RCOR3: variants seen among roughly 807,000 people sequenced by gnomAD.
RCOR3 encodes the protein REST corepressor 3.
A neutral mutation model predicts 64.1 loss-of-function variants in RCOR3; 13 were observed. That is an observed-to-expected ratio of 0.20 (90% CI 0.13 to 0.32). The LOEUF (loss-of-function observed/expected upper bound fraction) is 0.32, where lower values mean the gene tolerates loss of function less well. Ranked by LOEUF, RCOR3 falls within the 10% of genes least tolerant of loss-of-function variation. The probability of loss-of-function intolerance (pLI) is 1.00; values close to 1 mark genes in which losing one functional copy is unlikely to be tolerated. For synonymous variants in RCOR3, 215 were observed against 239.0 expected, an observed-to-expected ratio of 0.90 and a Z score of 0.93; for missense variants, 489 against 701.2, an observed-to-expected ratio of 0.70 and a Z score of 3.42.
intron 2 of RCOR3, among the ~76,000 whole-genome samples, chr1:211,262,033 C>CTT (rs1196587722): frequency 0.02 from 1,330 of 65,340 alleles, 308 homozygotes; most frequent in African/African-American, 0.079. Flanking sequence ...GCTATAAAAA[C>CTT]TTTTTTTTTT....
chr1:211,290,561 A>T lies in RCOR3; in HGVS notation c.939+1165A>T, dbSNP rs184197513. 5.4e-4 allele frequency among the ~76,000 whole-genome samples: 82 copies of T among 152,014 alleles called. 1 individual carries two copies. In the East Asian group the frequency reaches 0.013, roughly 24 times the overall value. ...CATTTTTTTTATTTTAATTTTTTGTAGAGAAACGTTCTTGCTATGTTACCC... is the reference window on the plus strand; with the variant it reads ...CATTTTTTTTATTTTAATTTTTTGTTGAGAAACGTTCTTGCTATGTTACCC... On this transcript the variant is annotated intron_variant, in intron 8 of 11. Coordinates refer to ENST00000419091, the MANE Select transcript of RCOR3 (RefSeq NM_001136223.3).
intron 8 of RCOR3, among the ~76,000 whole-genome samples, chr1:211,293,848 C>T (rs962919503): frequency 6.6e-6 from 1 of 152,068 alleles, no homozygotes; most frequent in African/African-American, 2.4e-5. Context: ...GTTGTCCACA[C>T]TAGGGGGGAA....
intron 9 of RCOR3, among the ~76,000 whole-genome samples, chr1:211,296,789 G>A (rs1406276578): frequency 6.6e-6 from 1 of 151,836 alleles, no homozygotes; most frequent in East Asian, 1.9e-4. Context: ...ATTATTTAAG[G>A]ATAATATAAT....
At chr1:211,290,702 C>T (rs985199635) in intron 8 of RCOR3, among the ~76,000 whole-genome samples, 1 of 152,142 alleles carries the variant, frequency 6.6e-6, no homozygotes, top group Non-Finnish European at 1.5e-5. Context: ...TATTACTTCT[C>T]TTTAGCTGGA....
Position 211,314,779 on chromosome 1 carries a change from G to C in RCOR3, c.*1011G>C, listed in dbSNP as rs1451636294. 6.6e-6 allele frequency: 1 copy of C among 151,956 alleles called. No homozygotes were observed. The highest frequency in any genetic ancestry group is 1.5e-5 in the Non-Finnish European group (1 of 67,982). 9.4% of individuals were successfully genotyped at this position (151,956 alleles called of 1,614,324 possible). A position where few individuals can be genotyped will look rare whatever the true frequency, so the allele number is the denominator to read the frequency against. On this transcript the variant is annotated 3_prime_UTR_variant, in exon 12 of 12. Transcript: ENST00000419091. ...AAATTGCCCTCATACTTAATAATAT[G>C]GTCTGCATTTAATATGAAAGGTGTT... is the stretch of plus-strand genomic sequence containing the variant.
intron 7 of RCOR3, among the ~76,000 whole-genome samples, chr1:211,287,939 T>C (rs1262490371): frequency 1.3e-5 from 2 of 152,036 alleles, no homozygotes; most frequent in African/African-American, 4.8e-5. Flanking sequence ...GCCGGGCGTG[T>C]TGGCTCATGC....
At chr1:211,306,945 C>T (rs1486493726) in intron 10 of RCOR3, among the ~76,000 whole-genome samples, 2 of 152,132 alleles carry the variant, frequency 1.3e-5, no homozygotes, top group African/African-American at 4.8e-5. Context: ...ATTTAATCCT[C>T]TTAAAATATT....
intron 2 of RCOR3, among the ~76,000 whole-genome samples, chr1:211,270,429 T>C (rs1480441113): frequency 6.6e-6 from 1 of 152,010 alleles, no homozygotes; most frequent in Non-Finnish European, 1.5e-5. Flanking sequence ...TAAGATGTAA[T>C]AAATGAACTT....
intron 6 of RCOR3, 70 bp downstream of exon 6, chr1:211,278,311 C>T (rs772984633): frequency 1.3e-5 from 20 of 1,507,176 alleles, no homozygotes; most frequent in Non-Finnish European, 1.5e-5. Context: ...TTTCCTAAGG[C>T]AGAAAAGTTA....
At chr1:211,304,409 T>G (rs1426696439) in intron 10 of RCOR3, among the ~76,000 whole-genome samples, 1 of 152,222 alleles carries the variant, frequency 6.6e-6, no homozygotes, top group Admixed American at 6.5e-5. Context: ...TCACATGGGC[T>G]CTCTGTGCTT....
chr1:211,260,010 C>A (rs1325908397), intron 1 of RCOR3, 98 bp from the exon 2 acceptor site: 11 of 1,243,328 alleles, frequency 8.8e-6, no homozygotes, highest in Non-Finnish European at 1.1e-5. Context: ...CCGCTTCTTT[C>A]CTCCATCTAG....
At chr1:211,288,583 T>A (rs1340946344) in intron 7 of RCOR3, among the ~76,000 whole-genome samples, 2 of 147,610 alleles carry the variant, frequency 1.4e-5, no homozygotes, top group South Asian at 2.1e-4. Flanking sequence ...TATATTTATT[T>A]TATTTATTAT....
chr1:211,269,432 C>T (rs1695785059), intron 2 of RCOR3, among the ~76,000 whole-genome samples: 1 of 152,038 alleles, frequency 6.6e-6, no homozygotes, highest in Admixed American at 6.6e-5. Flanking sequence ...CCTGTCTCTA[C>T]TAAAAATAAC....
intron 10 of RCOR3, among the ~76,000 whole-genome samples, chr1:211,309,978 T>G (rs1983259): frequency 1.3e-5 from 2 of 152,124 alleles, no homozygotes; most frequent in African/African-American, 4.8e-5. Context: ...TGAGCCATGC[T>G]GTTCTGAGTG....
Position 211,314,020 on chromosome 1 carries a change from G to C in RCOR3, c.*252G>C. ...GTTCAGCAATGTTGATCTCATAAAA[G>C]GAAAAACAAAAGATTTAAGTATTCT... On this transcript the variant is annotated 3_prime_UTR_variant, in exon 12 of 12. Transcript: ENST00000419091. 1 of 439,584 alleles carries C rather than the reference G, an allele frequency of 2.3e-6. No individual in the cohort carries two copies. Among genetic ancestry groups the C allele is most frequent in the Non-Finnish European group, 4.0e-6 (1 of 247,462 alleles). The allele number at this position is 439,584 out of a possible 1,614,324, so 27.2% of individuals were successfully genotyped here.
At chr1:211,299,120 T>C (rs985819811) in intron 9 of RCOR3, among the ~76,000 whole-genome samples, 2 of 152,206 alleles carry the variant, frequency 1.3e-5, no homozygotes, top group Non-Finnish European at 2.9e-5. Flanking sequence ...TTTTTAATTT[T>C]AGAAAAGTTA....
intron 8 of RCOR3, 23 bp from the exon 9 acceptor site, chr1:211,295,653 C>T (rs371518536): frequency 5.0e-6 from 8 of 1,604,388 alleles, no homozygotes; most frequent in African/African-American, 2.7e-5. Flanking sequence ...ATCTGATTCA[C>T]ATTTGGGGTT....
chr1:211,289,066 T>G (rs1056894673), intron 7 of RCOR3, 112 bp from the exon 8 acceptor site: 5 of 754,272 alleles, frequency 6.6e-6, no homozygotes, highest in African/African-American at 1.8e-5. Flanking sequence ...TGGTTAGAAG[T>G]GTTTTTTTAT....
intron 2 of RCOR3, among the ~76,000 whole-genome samples, chr1:211,265,836 A>T (rs1159782771): frequency 6.6e-6 from 1 of 152,190 alleles, no homozygotes; most frequent in Non-Finnish European, 1.5e-5. Context: ...TTAAAACTCT[A>T]GTAGTTATGG....
Sources: gnomAD v4.1 joint callset for allele counts (sites outside exome capture counted in the v4.1 genomes callset) on GRCh38, gnomAD v4.1.1 for gene constraint, MANE v1.5 for transcripts, NCBI Gene and HGNC (gene_info 2026-07-23, HGNC 2026-07-21) for gene names.